Variants in CTNNA3 observed in about 807,000 individuals in gnomAD.
The protein encoded by CTNNA3 is catenin alpha 3.
CTNNA3 carries 76 observed loss-of-function variants against 95.7 expected under a neutral mutation model. The observed-to-expected ratio is 0.79, with a 90% CI of 0.66 to 0.96. The LOEUF is 0.96. CTNNA3 is among the 40% of genes least tolerant of loss of function. The probability of loss-of-function intolerance (pLI) is 0.00; values close to 1 mark genes in which losing one functional copy is unlikely to be tolerated. For missense variants in CTNNA3, 1,191 were observed against 1,089.8 expected (o/e 1.09, Z -1.31); for synonymous variants, 431 against 374.4 (o/e 1.15, Z -1.74).
chr10:67,556,881 T>G (rs1305117705), intron 3 of CTNNA3, among the ~76,000 whole-genome samples: 1 of 152,216 alleles, frequency 6.6e-6, no homozygotes, highest in African/African-American at 2.4e-5. Context: ...TGCTTTCTCT[T>G]GTGGGCATTT....
chr10:66,286,160 A>G (rs984875309), intron 12 of CTNNA3, among the ~76,000 whole-genome samples: 1 of 152,058 alleles, frequency 6.6e-6, no homozygotes, highest in Non-Finnish European at 1.5e-5. Flanking sequence ...TATATTTCAC[A>G]TTAGTAAACA....
At chr10:66,806,788 GTGTGTGTGTA>G (rs1163339299) in intron 7 of CTNNA3, among the ~76,000 whole-genome samples, 4 of 117,618 alleles carry the variant, frequency 3.4e-5, no homozygotes, top group Non-Finnish European at 7.7e-5. Context: ...GTGTGTGTGT[GTGTGTGTGTA>G]TACATATATA....
chr10:67,408,552 G>A (rs1338843005), intron 5 of CTNNA3, among the ~76,000 whole-genome samples: 1 of 151,922 alleles, frequency 6.6e-6, no homozygotes, highest in Non-Finnish European at 1.5e-5. Flanking sequence ...ATTAAAACTG[G>A]ACCCCTTCCT....
chr10:67,042,925 G>A (rs144068595), intron 7 of CTNNA3, among the ~76,000 whole-genome samples: 48 of 152,126 alleles, frequency 3.2e-4, no homozygotes, highest in Non-Finnish European at 5.6e-4. Context: ...GAATATATTC[G>A]AACGCTATAA....
chr10:67,583,880 T>C (rs2133328432), intron 3 of CTNNA3, among the ~76,000 whole-genome samples: 1 of 152,322 alleles, frequency 6.6e-6, no homozygotes, highest in East Asian at 1.9e-4. Context: ...ATTCGTCACG[T>C]AGTTCTCGTG....
At chr10:67,619,421 A>G (rs1478589618) in intron 2 of CTNNA3, among the ~76,000 whole-genome samples, 1 of 152,242 alleles carries the variant, frequency 6.6e-6, no homozygotes, top group Non-Finnish European at 1.5e-5. Flanking sequence ...CATACACAGA[A>G]GAGTGAAATG....
intron 12 of CTNNA3, among the ~76,000 whole-genome samples, chr10:66,362,611 G>A (rs12766936): frequency 0.097 from 14,784 of 151,826 alleles, 957 homozygotes; most frequent in South Asian, 0.18. Flanking sequence ...TACTCGGGAG[G>A]TTGAAGTGGG....
chr10:66,237,072 T>C (rs1286343213), intron 13 of CTNNA3, among the ~76,000 whole-genome samples: 1 of 152,128 alleles, frequency 6.6e-6, no homozygotes, highest in East Asian at 1.9e-4. Flanking sequence ...AAGCCTGCCA[T>C]GAGCTTATGA....
intron 7 of CTNNA3, among the ~76,000 whole-genome samples, chr10:67,047,049 G>A (rs974957888): frequency 2.0e-5 from 3 of 152,196 alleles, no homozygotes; most frequent in Admixed American, 1.3e-4. Context: ...AGCACTGCCT[G>A]TATCTGATTC....
chr10:65,925,804 T>C (rs1046406166), intron 17 of CTNNA3, among the ~76,000 whole-genome samples: 3 of 152,180 alleles, frequency 2.0e-5, no homozygotes, highest in African/African-American at 7.2e-5. Flanking sequence ...TAAGTGTTTA[T>C]AAAACCATAT....
At chr10:67,641,575 C>G (rs1732301265) in intron 2 of CTNNA3, among the ~76,000 whole-genome samples, 1 of 152,138 alleles carries the variant, frequency 6.6e-6, no homozygotes, top group Non-Finnish European at 1.5e-5. Flanking sequence ...TACTGCAGCA[C>G]TATTCACAAT....
chr10:66,777,367 G>T (rs1446504530), intron 7 of CTNNA3, among the ~76,000 whole-genome samples: 1 of 152,140 alleles, frequency 6.6e-6, no homozygotes, highest in African/African-American at 2.4e-5. Flanking sequence ...TGTGGAATGT[G>T]TACACCATGG....
At chr10:67,486,909 T>G (rs571684151) in intron 5 of CTNNA3, among the ~76,000 whole-genome samples, 1 of 152,240 alleles carries the variant, frequency 6.6e-6, no homozygotes, top group Non-Finnish European at 1.5e-5. Context: ...ATTTTACTAC[T>G]TTCTTCCAAG....
chr10:66,265,878 G>T (rs2091136178), intron 13 of CTNNA3, among the ~76,000 whole-genome samples: 1 of 151,840 alleles, frequency 6.6e-6, no homozygotes, highest in African/African-American at 2.4e-5. Context: ...CTACAAAAAT[G>T]TAAACTCCAT....
At chr10:67,213,748 A>T (rs1864234990) in intron 6 of CTNNA3, among the ~76,000 whole-genome samples, 1 of 151,792 alleles carries the variant, frequency 6.6e-6, no homozygotes, top group Non-Finnish European at 1.5e-5. Flanking sequence ...ATAGTAGGGT[A>T]ATTTCACTTA....
At chr10:65,968,375 C>CA (rs1208134642) in intron 16 of CTNNA3, among the ~76,000 whole-genome samples, 1 of 151,852 alleles carries the variant, frequency 6.6e-6, no homozygotes, top group African/African-American at 2.4e-5. Flanking sequence ...GACCTTGTGT[C>CA]AAAAAATAAA....
chr10:65,941,320 T>A (rs752846074), intron 17 of CTNNA3, among the ~76,000 whole-genome samples: 4 of 152,162 alleles, frequency 2.6e-5, no homozygotes, highest in Non-Finnish European at 5.9e-5. Flanking sequence ...CAATACTGAC[T>A]CTTGAAGTCC....
At position 67,539,428 on chromosome 10, in the gene CTNNA3, G is replaced by GATCGACGCCAGGTTCAGAGAATGAA. The variant is rs1454619444; in HGVS notation, c.459+50_459+74dup. On this transcript the variant is annotated intron_variant, in intron 4 of 17. Coordinates refer to ENST00000433211, the MANE Select transcript of CTNNA3 (RefSeq NM_013266.4). ...TGAGAGTGAAGCCAAGATGCACTAG[G>GATCGACGCCAGGTTCAGAGAATGAA]ATCGACGCCAGGTTCAGAGAATGAA... 3 of 1,517,716 alleles carry GATCGACGCCAGGTTCAGAGAATGAA rather than the reference G, an allele frequency of 2.0e-6. No homozygotes were observed. In the East Asian group the frequency reaches 6.8e-5, roughly 35 times the overall value. The allele number at this position is 1,517,716 out of a possible 1,614,324, so 94.0% of individuals were successfully genotyped here. A position where few individuals can be genotyped will look rare whatever the true frequency, so the allele number is the denominator to read the frequency against.
chr10:66,578,524 G>A (rs1277426764), intron 10 of CTNNA3, among the ~76,000 whole-genome samples: 2 of 151,870 alleles, frequency 1.3e-5, no homozygotes, highest in Non-Finnish European at 2.9e-5. Flanking sequence ...TTTTCAGCAC[G>A]AAGGAATGTT....
Sources: gnomAD v4.1 joint callset for allele counts (sites outside exome capture counted in the v4.1 genomes callset) on GRCh38, gnomAD v4.1.1 for gene constraint, MANE v1.5 for transcripts, NCBI Gene and HGNC (gene_info 2026-07-23, HGNC 2026-07-21) for gene names.